The following NKAIN2 variants were observed in gnomAD, a reference collection of about 807,000 sequenced individuals.
NKAIN2 encodes sodium/potassium transporting ATPase interacting 2.
NKAIN2 carries 14 observed loss-of-function variants against 32.6 expected under a neutral mutation model. The ratio of observed to expected loss-of-function variants is 0.43; its 90% CI spans 0.28 to 0.67. The LOEUF is 0.67. Ranked by LOEUF, NKAIN2 falls within the 30% of genes least tolerant of loss-of-function variation. The probability of loss-of-function intolerance (pLI) is 0.17; values close to 1 mark genes in which losing one functional copy is unlikely to be tolerated. For missense variants in NKAIN2, 198 were observed against 258.3 expected, an observed-to-expected ratio of 0.77 and a Z score of 1.60; for synonymous variants, 80 against 87.2, an observed-to-expected ratio of 0.92 and a Z score of 0.46.
intron 1 of NKAIN2, among the ~76,000 whole-genome samples, chr6:124,134,791 G>T (rs1352591502): frequency 6.6e-6 from 1 of 152,152 alleles, no homozygotes; most frequent in East Asian, 1.9e-4. Flanking sequence ...GAAGCTCAGA[G>T]AACTCCTGGG....
At chr6:124,617,262 C>G (rs529703247) in intron 3 of NKAIN2, among the ~76,000 whole-genome samples, 7 of 152,262 alleles carry the variant, frequency 4.6e-5, no homozygotes, top group Admixed American at 6.5e-5. Context: ...GCTCTTTCTC[C>G]GAGATTCAAA....
chr6:124,485,963 C>G (rs529976651), intron 3 of NKAIN2, among the ~76,000 whole-genome samples: 7 of 152,172 alleles, frequency 4.6e-5, no homozygotes, highest in Admixed American at 1.3e-4. Context: ...TTTCATAAAG[C>G]TGAGTGGAAG....
At chr6:124,245,028 T>G (rs1296293000) in intron 1 of NKAIN2, among the ~76,000 whole-genome samples, 1 of 152,172 alleles carries the variant, frequency 6.6e-6, no homozygotes, top group Non-Finnish European at 1.5e-5. Context: ...ATAGTTTAAT[T>G]GAAGTTCTGT....
chr6:124,109,695 G>C (rs563135374), intron 1 of NKAIN2, among the ~76,000 whole-genome samples: 4 of 152,000 alleles, frequency 2.6e-5, no homozygotes, highest in Non-Finnish European at 4.4e-5. Flanking sequence ...TGATTGTAGA[G>C]ACAAGCTTTC....
At chr6:123,832,893 T>G (rs1211029245) in intron 1 of NKAIN2, among the ~76,000 whole-genome samples, 1 of 152,232 alleles carries the variant, frequency 6.6e-6, no homozygotes, top group Non-Finnish European at 1.5e-5. Flanking sequence ...CAAATGTCTT[T>G]TGCAAATATT....
intron 1 of NKAIN2, among the ~76,000 whole-genome samples, chr6:123,826,096 C>T (rs1276479958): frequency 6.6e-6 from 1 of 151,936 alleles, no homozygotes. Context: ...ATTCTTCGGC[C>T]GGAAAAGAAT....
intron 1 of NKAIN2, among the ~76,000 whole-genome samples, chr6:123,868,962 T>A (rs755954041): frequency 1.3e-5 from 2 of 152,178 alleles, no homozygotes; most frequent in Non-Finnish European, 2.9e-5. Context: ...ATTAATGAAG[T>A]CTGTACATTC....
intron 1 of NKAIN2, among the ~76,000 whole-genome samples, chr6:123,898,701 A>G (rs1454937003): frequency 6.6e-6 from 1 of 152,138 alleles, no homozygotes; most frequent in Non-Finnish European, 1.5e-5. Flanking sequence ...TTAGGAAGTC[A>G]TCATCATCAT....
intron 5 of NKAIN2, among the ~76,000 whole-genome samples, chr6:124,814,829 T>C (rs757579297): frequency 6.6e-6 from 1 of 152,180 alleles, no homozygotes; most frequent in Non-Finnish European, 1.5e-5. Context: ...CGAAGATCTT[T>C]GGTTCATAAT....
At chr6:124,116,352 T>C (rs528379449) in intron 1 of NKAIN2, among the ~76,000 whole-genome samples, 26 of 152,240 alleles carry the variant, frequency 1.7e-4, no homozygotes, top group African/African-American at 6.0e-4. Context: ...CAGTGCATTC[T>C]ATCTTTATTT....
At chr6:124,337,556 A>G (rs1479777644) in intron 2 of NKAIN2, among the ~76,000 whole-genome samples, 1 of 152,220 alleles carries the variant, frequency 6.6e-6, no homozygotes, top group Non-Finnish European at 1.5e-5. Flanking sequence ...TTAAGCACCT[A>G]GTTTAGAATT....
chr6:124,631,923 A>G (rs1182581914), intron 3 of NKAIN2, among the ~76,000 whole-genome samples: 2 of 152,186 alleles, frequency 1.3e-5, no homozygotes, highest in African/African-American at 4.8e-5. Flanking sequence ...AGACAACTGT[A>G]AAAGATCCCT....
At chr6:124,390,017 A>G (rs1241704551) in intron 3 of NKAIN2, among the ~76,000 whole-genome samples, 1 of 152,056 alleles carries the variant, frequency 6.6e-6, no homozygotes, top group African/African-American at 2.4e-5. Context: ...GGCTTAGGTT[A>G]TGTTAGCACA....
chr6:124,669,902 C>G (rs1773013290), intron 4 of NKAIN2, among the ~76,000 whole-genome samples: 1 of 151,944 alleles, frequency 6.6e-6, no homozygotes. Context: ...GTACTGCTCC[C>G]CCTCTCAAGT....
rs1369877683 is a variant in NKAIN2 at position 123,984,766 on chromosome 6, G to T, written c.54+180512G>T. 2.0e-5 allele frequency among the ~76,000 whole-genome samples: 3 copies of T among 152,226 alleles called. No individual in the cohort carries two copies. The East Asian group carries it at 5.8e-4, about 29-fold the overall frequency. The stretch of plus-strand genomic sequence containing the variant: ...TATTTTGCACTGGTCAATTCTCACA[G>T]TTTTGTGAGATGAATCACTTTGGTC... On this transcript the variant is annotated intron_variant, in intron 1 of 6. Transcript: ENST00000368417.
intron 3 of NKAIN2, among the ~76,000 whole-genome samples, chr6:124,405,616 G>C (rs1381777457): frequency 6.6e-6 from 1 of 150,384 alleles, no homozygotes; most frequent in Non-Finnish European, 1.5e-5. Flanking sequence ...CTGGGCTCAA[G>C]TTGTCCTCCC....
At chr6:124,687,164 C>A (rs1229909230) in intron 4 of NKAIN2, among the ~76,000 whole-genome samples, 1 of 146,982 alleles carries the variant, frequency 6.8e-6, no homozygotes, top group Non-Finnish European at 1.5e-5. Flanking sequence ...TATAAATATT[C>A]TCTATATATA....
chr6:124,337,798 A>G (rs868833552), intron 2 of NKAIN2, among the ~76,000 whole-genome samples: 1 of 152,166 alleles, frequency 6.6e-6, no homozygotes, highest in African/African-American at 2.4e-5. Context: ...ATTGTGTACT[A>G]TATATGTTTT....
chr6:123,981,852 A>C (rs1398168804), intron 1 of NKAIN2, among the ~76,000 whole-genome samples: 1 of 152,132 alleles, frequency 6.6e-6, no homozygotes, highest in Non-Finnish European at 1.5e-5. Context: ...AAGGGAGCAG[A>C]AGCTGGAGAG....
Sources: gnomAD v4.1 joint callset for allele counts (sites outside exome capture counted in the v4.1 genomes callset) on GRCh38, gnomAD v4.1.1 for gene constraint, MANE v1.5 for transcripts, NCBI Gene and HGNC (gene_info 2026-07-23, HGNC 2026-07-21) for gene names.